The following PLAGL1 variants were observed in gnomAD, a reference collection of about 807,000 sequenced individuals.
The protein encoded by PLAGL1 is zinc finger protein PLAGL1.
PLAGL1 carries 1 observed loss-of-function variant against 4.6 expected under a neutral mutation model. That is an observed-to-expected ratio of 0.22 (90% CI 0.08 to 1.03). The LOEUF is 1.03. Among genes scored for constraint, PLAGL1 ranks in the 50% least tolerant of loss-of-function variants. The probability of loss-of-function intolerance (pLI) is 0.58; values close to 1 mark genes in which losing one functional copy is unlikely to be tolerated. For synonymous variants in PLAGL1, 240 were observed against 237.8 expected (o/e 1.01, Z -0.08); for missense variants, 464 against 570.4 (o/e 0.81, Z 1.90).
rs1562410186 is a variant in PLAGL1, at chr6:143,953,524, C to T, written c.-324-5064G>A. Among the ~76,000 whole-genome samples the T allele has an allele frequency of 6.6e-6, 1 of 152,186 alleles. No individual in the cohort carries two copies. Among genetic ancestry groups the T allele is most frequent in the Non-Finnish European group, 1.5e-5 (1 of 68,042 alleles). ...CATCAAATCCACATCCTAGCCAGAA[C>T]ATCTGAAAAGGGACAGGGTGTGTTC... On this transcript the variant is annotated intron_variant, in intron 6 of 7. Coordinates refer to ENST00000674357, the MANE Select transcript of PLAGL1 (RefSeq NM_001317162.2). This position sits in a 1 kb window ranked among gnomAD's most constrained non-coding sequence, Gnocchi z 5.3.
At chr6:144,035,242 G>A (rs765208199) in intron 1 of PLAGL1, among the ~76,000 whole-genome samples, 1 of 152,126 alleles carries the variant, frequency 6.6e-6, no homozygotes, top group Non-Finnish European at 1.5e-5. Flanking sequence ...GAGGAGCAAG[G>A]AAGCCAGTGG....
Position 144,061,785 on chromosome 6 carries a change from C to T in PLAGL1, c.-151+2683G>A, listed in dbSNP as rs1799427453. ...ATTTTATCAAGTTCCTTCCTCCTCC[C>T]AATCTCCCTCTTCTAGTTATTCCTT... On this transcript the variant is annotated intron_variant, in intron 1 of 3. Coordinates refer to the PLAGL1 transcript ENST00000437412. This position sits in a 1 kb window ranked among gnomAD's most constrained non-coding sequence, Gnocchi z 4.4. Among the ~76,000 whole-genome samples, 1 of 152,180 alleles carries T rather than the reference C, an allele frequency of 6.6e-6. No homozygotes were observed. The highest frequency in any genetic ancestry group is 6.5e-5 in the Admixed American group (1 of 15,270).
chr6:144,029,341 T>C (rs1200888809), intron 1 of PLAGL1, among the ~76,000 whole-genome samples: 2 of 152,152 alleles, frequency 1.3e-5, no homozygotes, highest in African/African-American at 4.8e-5. Flanking sequence ...AGACATACCA[T>C]AAACAAAGTC....
Position 144,016,820 on chromosome 6 carries a change from A to G in PLAGL1, c.-151+47648T>C, listed in dbSNP as rs373540955. Among the ~76,000 whole-genome samples, 313 of 152,346 alleles carry G rather than the reference A, an allele frequency of 2.1e-3. 1 individual carries two copies. The highest frequency in any genetic ancestry group is 7.2e-3 in the African/African-American group (301 of 41,586). Reference sequence around the variant, plus strand: ...TTTGGATAGGATGAGGAGAAATCACATGAGATTGGTTTTATCTCTATTACC... The same window carrying G: ...TTTGGATAGGATGAGGAGAAATCACGTGAGATTGGTTTTATCTCTATTACC... On this transcript the variant is annotated intron_variant, in intron 1 of 3. Transcript: ENST00000437412. The surrounding 1 kb of genome is among the most constrained non-coding windows in gnomAD (Gnocchi z 4.2).
At chr6:143,996,653 T>C (rs1423116962) in intron 1 of PLAGL1, among the ~76,000 whole-genome samples, 1 of 144,608 alleles carries the variant, frequency 6.9e-6, no homozygotes, top group African/African-American at 2.6e-5. Flanking sequence ...ACAGACATCA[T>C]AGCTAGAACT....
chr6:143,981,979 T>G (rs1318047198), intron 2 of PLAGL1, among the ~76,000 whole-genome samples: 1 of 152,152 alleles, frequency 6.6e-6, no homozygotes, highest in Non-Finnish European at 1.5e-5. Flanking sequence ...ATTTATTGAG[T>G]GGTTGTTTTT....
At position 144,022,791 on chromosome 6, in the gene PLAGL1, T is replaced by C. The variant is rs1796066874; in HGVS notation, c.-151+41677A>G. ...CTGTGAGTCAATTAAACCTCTTTCC[T>C]TTATAAATTATGCAGTCTCAGGTAT... On this transcript the variant is annotated intron_variant, in intron 1 of 3. Coordinates refer to the PLAGL1 transcript ENST00000437412. The surrounding 1 kb of genome is among the most constrained non-coding windows in gnomAD (Gnocchi z 4.2). Among the ~76,000 whole-genome samples the C allele has an allele frequency of 6.6e-6, 1 of 152,218 alleles. No homozygotes were observed. The highest frequency in any genetic ancestry group is 1.5e-5 in the Non-Finnish European group (1 of 68,034).
At chr6:143,977,467 C>CTTT (rs1786912556) in intron 2 of PLAGL1, among the ~76,000 whole-genome samples, 1 of 82,836 alleles carries the variant, frequency 1.2e-5, no homozygotes, top group Non-Finnish European at 2.3e-5. Flanking sequence ...TCTTCTTCTT[C>CTTT]TTCTTTTTTT....
In PLAGL1 at chr6:143,953,233, C is replaced by T. The variant is rs1364031551; in HGVS notation, c.-324-4773G>A. Among the ~76,000 whole-genome samples, 2 of 152,210 alleles carry T rather than the reference C, an allele frequency of 1.3e-5. No homozygotes were observed. Among genetic ancestry groups the T allele is most frequent in the Non-Finnish European group, 2.9e-5 (2 of 68,032 alleles). ...CCTTAATATGTTTGAAGAGCTTTCACTCTAGTTTATCCTCATTGTAGGAAG... is the reference window on the plus strand; with the variant it reads ...CCTTAATATGTTTGAAGAGCTTTCATTCTAGTTTATCCTCATTGTAGGAAG... On this transcript the variant is annotated intron_variant, in intron 6 of 7. Transcript: ENST00000674357. This position sits in a 1 kb window ranked among gnomAD's most constrained non-coding sequence, Gnocchi z 5.3.
At chr6:143,992,619 C>T (rs1050141134) in intron 1 of PLAGL1, among the ~76,000 whole-genome samples, 5 of 152,310 alleles carry the variant, frequency 3.3e-5, no homozygotes, top group Admixed American at 6.5e-5. Flanking sequence ...TCTGGTAAAA[C>T]ATTTGCCTCT....
In PLAGL1 at chr6:143,971,903, T is replaced by C. The variant is rs1381680689; in HGVS notation, c.-543-2925A>G. Among the ~76,000 whole-genome samples, 1 of 152,244 alleles carries C rather than the reference T, an allele frequency of 6.6e-6. No homozygotes were observed. Among genetic ancestry groups the C allele is most frequent in the Non-Finnish European group, 1.5e-5 (1 of 68,046 alleles). On this transcript the variant is annotated intron_variant, in intron 2 of 7. Coordinates refer to ENST00000674357, the MANE Select transcript of PLAGL1 (RefSeq NM_001317162.2). The surrounding 1 kb of genome is among the most constrained non-coding windows in gnomAD (Gnocchi z 4.7). ...GAAATATCTAAACATTACGTTGTGG[T>C]TTATTTTTAGGAAAGAATAACAGAG...
At position 143,959,143 on chromosome 6, in the gene PLAGL1, C is replaced by T. The variant is rs780542327; in HGVS notation, c.-325+1326G>A. Among the ~76,000 whole-genome samples the T allele has an allele frequency of 1.4e-4, 21 of 152,280 alleles. No individual in the cohort carries two copies. Among genetic ancestry groups the T allele is most frequent in the Non-Finnish European group, 1.9e-4 (13 of 68,024 alleles). ...CTCACAATAAGCCTCAATTTCCCAC[C>T]GCTGCCTGCTCGCAGCTCCTCCCCA... On this transcript the variant is annotated intron_variant, in intron 6 of 7. Transcript: ENST00000674357. The surrounding 1 kb of genome is among the most constrained non-coding windows in gnomAD (Gnocchi z 5.3).
intron 1 of PLAGL1, among the ~76,000 whole-genome samples, chr6:143,993,537 A>G (rs984505015): frequency 1.3e-5 from 2 of 152,200 alleles, no homozygotes; most frequent in African/African-American, 2.4e-5. Flanking sequence ...CCACCCCTAC[A>G]CTAACAGTTA....
At chr6:144,032,333 A>T (rs1051909964) in intron 1 of PLAGL1, among the ~76,000 whole-genome samples, 1 of 138,244 alleles carries the variant, frequency 7.2e-6, no homozygotes, top group Non-Finnish European at 1.5e-5. Context: ...TATGTTGCCC[A>T]GGCTGGTCTC....
Position 143,942,599 on chromosome 6 carries a change from G to A in PLAGL1, c.217C>T (p.Arg73Trp), listed in dbSNP as rs757324170. 7 of 1,614,030 alleles carry A rather than the reference G, an allele frequency of 4.3e-6. No individual in the cohort carries two copies. Among genetic ancestry groups the A allele is most frequent in the Non-Finnish European group, 5.9e-6 (7 of 1,179,960 alleles). The change falls in exon 8 of 8, where the codon CGG (arginine) becomes TGG (tryptophan). Residue 73 changes from arginine to tryptophan, a missense_variant. By Grantham distance (101) the Arg-to-Trp change is moderately radical (BLOSUM62 -3). Coordinates refer to ENST00000674357, the MANE Select transcript of PLAGL1 (RefSeq NM_001317162.2). The surrounding 1 kb of genome is among the most constrained non-coding windows in gnomAD (Gnocchi z 7.6). ...QCAHCEKTFN[R>W]KDHLKNHLQT... is the part of the protein sequence containing the mutation. ...AGGTGGTTTTTCAGGTGGTCTTTCCGGTTGAACGTCTTCTCACAGTGAGCA... is the reference window on the plus strand; with the variant it reads ...AGGTGGTTTTTCAGGTGGTCTTTCCAGTTGAACGTCTTCTCACAGTGAGCA...
chr6:143,941,851 G>C lies in PLAGL1; in HGVS notation c.965C>G (p.Thr322Ser). Residue 322 changes from threonine to serine, a missense_variant, in exon 8 of 8, where the codon ACT becomes AGT. Thr to Ser is a moderately conservative substitution (Grantham distance 58, BLOSUM62 1). This residue lies in a region of PLAGL1 where 248 missense variants were observed against 250.1 expected (regional missense o/e 0.99). Transcript: ENST00000674357. The surrounding 1 kb of genome is among the most constrained non-coding windows in gnomAD (Gnocchi z 6.0). ...PLASLPLKAD[T>S]KGFCNISLFE... ...CAAACTGATATTGCAAAAACCTTTA[G>C]TATCTGCTTTGAGGGGCAGGCTTGC... is the stretch of plus-strand genomic sequence containing the variant. The C allele has an allele frequency of 1.2e-6, 2 of 1,614,216 alleles. No homozygotes were observed. The highest frequency in any genetic ancestry group is 1.7e-6 in the Non-Finnish European group (2 of 1,180,012).
chr6:144,040,645 G>A (rs1797656900), intron 1 of PLAGL1, among the ~76,000 whole-genome samples: 1 of 152,252 alleles, frequency 6.6e-6, no homozygotes, highest in Admixed American at 6.5e-5. Flanking sequence ...GGGAGGCCAA[G>A]GCAGTCAGAT....
chr6:144,046,943 C>A (rs62427137), intron 1 of PLAGL1, among the ~76,000 whole-genome samples: 4,639 of 152,300 alleles, frequency 0.03, 111 homozygotes, highest in Non-Finnish European at 0.044. Flanking sequence ...CCTCACAGTT[C>A]GATCTCAGAC....
chr6:143,990,848 C>G lies in PLAGL1; in HGVS notation c.-583-5674G>C, dbSNP rs963554412. 1.8e-4 allele frequency among the ~76,000 whole-genome samples: 27 copies of G among 152,190 alleles called. No individual in the cohort carries two copies. Among genetic ancestry groups the G allele is most frequent in the Admixed American group, 6.5e-4 (10 of 15,280 alleles). On this transcript the variant is annotated intron_variant, in intron 1 of 7. Transcript: ENST00000674357. The surrounding 1 kb of genome is among the most constrained non-coding windows in gnomAD (Gnocchi z 5.4). ...ATATCAGACACATTCCTTAGAATATCTCATTGTTTTTCATTATTTTTAATT... is the reference window on the plus strand; with the variant it reads ...ATATCAGACACATTCCTTAGAATATGTCATTGTTTTTCATTATTTTTAATT...
Sources: allele counts gnomAD v4.1 joint callset (sites outside exome capture counted in the v4.1 genomes callset), GRCh38; gene constraint gnomAD v4.1.1; regional missense constraint gnomAD v4.1.1; non-coding constraint Gnocchi (gnomAD v3.1); transcripts MANE v1.5; gene names NCBI Gene and HGNC (gene_info 2026-07-23, HGNC 2026-07-21).